Variants in IGSF10 observed in about 807,000 individuals in gnomAD.
The protein encoded by IGSF10 is calvaria mechanical force protein 608.
A neutral mutation model predicts 128.2 loss-of-function variants in IGSF10; 126 were observed. That is an observed-to-expected ratio of 0.98 (90% CI 0.85 to 1.14). The LOEUF is 1.14. Ranked by LOEUF, IGSF10 falls within the 50% of genes most tolerant of loss-of-function variation. The probability of loss-of-function intolerance (pLI) is 0.00; values close to 1 mark genes in which losing one functional copy is unlikely to be tolerated. For synonymous variants in IGSF10, 1,185 were observed against 1,146.2 expected (o/e 1.03, Z -0.68); for missense variants, 3,295 against 3,149.8 (o/e 1.05, Z -1.10).
chr3:151,584,233 A>G, the IGSF10 span, among the ~76,000 whole-genome samples: 4 of 152,182 alleles, frequency 2.6e-5, no homozygotes, highest in Non-Finnish European at 5.9e-5. Context: ...TTCTTGCCTT[A>G]TAGTAGATCT....
the IGSF10 span, among the ~76,000 whole-genome samples, chr3:151,607,889 C>T: frequency 3.8e-4 from 42 of 109,706 alleles, no homozygotes; most frequent in East Asian, 4.0e-3. Flanking sequence ...CCAGCCTGGG[C>T]GACAGAGTGA....
chr3:151,578,065 A>G, the IGSF10 span, among the ~76,000 whole-genome samples: 1 of 152,208 alleles, frequency 6.6e-6, no homozygotes, highest in Non-Finnish European at 1.5e-5. Context: ...TTTGAGTCTA[A>G]TGAACATTCT....
At chr3:151,545,527 T>C in the IGSF10 span, among the ~76,000 whole-genome samples, 1 of 152,218 alleles carries the variant, frequency 6.6e-6, no homozygotes, top group Non-Finnish European at 1.5e-5. Context: ...TTAGCCCAAT[T>C]TCTGTGGTAC....
intron 4 of IGSF10, among the ~76,000 whole-genome samples, chr3:151,456,645 A>C (rs920329768): frequency 2.0e-5 from 3 of 152,358 alleles, no homozygotes; most frequent in African/African-American, 7.2e-5. Context: ...AAATAAAATG[A>C]AACTGAAAAT....
Position 151,438,098 on chromosome 3 carries a change from C to G in IGSF10, c.6463G>C (p.Ala2155Pro). The G allele has an allele frequency of 6.2e-7, 1 of 1,614,206 alleles. No individual in the cohort carries two copies. The highest frequency in any genetic ancestry group is 8.5e-7 in the Non-Finnish European group (1 of 1,180,038). Reference protein sequence around the residue: ...QSNKTNKRIKAGDTAVLDCEV... With the variant: ...QSNKTNKRIKPGDTAVLDCEV... Reference sequence around the variant, plus strand: ...CAGTCAAGGACAGCTGTGTCTCCAGCTTTGATTCTCTTGTTGGTTTTGTTA... The same window carrying G: ...CAGTCAAGGACAGCTGTGTCTCCAGGTTTGATTCTCTTGTTGGTTTTGTTA... The change falls in exon 8 of 8, where the codon GCT (alanine) becomes CCT (proline). Residue 2155 changes from alanine to proline, a missense_variant. Transcript: ENST00000282466.
downstream of IGSF10, chr3:151,433,885 C>A (rs1373182030): frequency 6.6e-6 from 1 of 152,470 alleles, no homozygotes; most frequent in African/African-American, 2.4e-5. Flanking sequence ...TAAATTGGTG[C>A]AAAAAGCACA....
At chr3:151,610,666 C>T in the IGSF10 span, among the ~76,000 whole-genome samples, 1 of 152,218 alleles carries the variant, frequency 6.6e-6, no homozygotes, top group East Asian at 1.9e-4. Context: ...CAATGAAATG[C>T]TACAGACTGG....
chr3:151,447,035 G>T lies in IGSF10; in HGVS notation c.2946C>A (p.Phe982Leu), dbSNP rs1249211948. 7 of 1,614,096 alleles carry T rather than the reference G, an allele frequency of 4.3e-6. No homozygotes were observed. Among genetic ancestry groups the T allele is most frequent in the South Asian group, 1.1e-5 (1 of 91,078 alleles). The change falls in exon 6 of 8, where the codon TTC becomes TTA. Residue 982 changes from phenylalanine to leucine, a missense_variant. Transcript: ENST00000282466. ...GAGCAGCTGTGTGTGGATCTGAAGG[G>T]AACGTGGAGGTGCTAAGTATTTGAG... ...HTTQILSTST[F>L]PSDPHTAAHS...
chr3:151,530,962 C>T, the IGSF10 span, among the ~76,000 whole-genome samples: 1 of 152,058 alleles, frequency 6.6e-6, no homozygotes, highest in Non-Finnish European at 1.5e-5. Context: ...TGCAAAGACA[C>T]ACATAGGCTC....
the IGSF10 span, among the ~76,000 whole-genome samples, chr3:151,576,540 G>C: frequency 1.0e-2 from 1,520 of 152,250 alleles, 28 homozygotes; most frequent in African/African-American, 0.034. Context: ...GTCTCAGTGA[G>C]ATAGGAGTTT....
rs1418049032 is a variant in IGSF10, at chr3:151,445,081, G to T, written c.4900C>A (p.Leu1634Ile). ...CTAGACAAAGAGTCAAAGGGAAGGAGTTTGGAAGTTGTTGCTTCTTGAACT... is the reference window on the plus strand; with the variant it reads ...CTAGACAAAGAGTCAAAGGGAAGGATTTTGGAAGTTGTTGCTTCTTGAACT... Reference protein sequence around the residue: ...KPVQEATTSKLLPFDSLSRYI... With the variant: ...KPVQEATTSKILPFDSLSRYI... The change falls in exon 6 of 8, where the codon CTC becomes ATC. Residue 1634 changes from leucine (L) to isoleucine (I), a missense_variant. Physicochemically the swap from Leu to Ile is conservative, Grantham distance 5 (BLOSUM62 2). Transcript: ENST00000282466. 5 of 1,614,090 alleles carry T rather than the reference G, an allele frequency of 3.1e-6. No individual in the cohort carries two copies. Among genetic ancestry groups the T allele is most frequent in the Non-Finnish European group, 4.2e-6 (5 of 1,180,044 alleles).
chr3:151,606,203 T>C, the IGSF10 span, among the ~76,000 whole-genome samples: 1 of 152,218 alleles, frequency 6.6e-6, no homozygotes, highest in African/African-American at 2.4e-5. Flanking sequence ...TTGAGATATT[T>C]ATTTAATTCC....
At chr3:151,486,425 A>AGGAT in the IGSF10 span, among the ~76,000 whole-genome samples, 2 of 152,180 alleles carry the variant, frequency 1.3e-5, no homozygotes, top group African/African-American at 4.8e-5. Context: ...AAAATTAACA[A>AGGAT]GGATATCCAG....
chr3:151,528,655 G>A, the IGSF10 span, among the ~76,000 whole-genome samples: 4 of 152,192 alleles, frequency 2.6e-5, no homozygotes, highest in Non-Finnish European at 2.9e-5. Context: ...TGTACCGGGA[G>A]GAATGGTACC....
the IGSF10 span, among the ~76,000 whole-genome samples, chr3:151,547,069 G>A: frequency 0.5 from 75,126 of 151,544 alleles, 18,784 homozygotes; most frequent in South Asian, 0.59. Flanking sequence ...CACCGTGCCC[G>A]GCCTCTTTTC....
chr3:151,512,274 A>C, the IGSF10 span, among the ~76,000 whole-genome samples: 1 of 152,250 alleles, frequency 6.6e-6, no homozygotes, highest in Non-Finnish European at 1.5e-5. Flanking sequence ...CTCAGACCAC[A>C]GTGCAATCAA....
At chr3:151,480,697 C>G in the IGSF10 span, among the ~76,000 whole-genome samples, 1 of 151,916 alleles carries the variant, frequency 6.6e-6, no homozygotes, top group Non-Finnish European at 1.5e-5. Flanking sequence ...GGTATAGCTG[C>G]TGCTATACCC....
chr3:151,462,076 C>T (rs1247209713), upstream of IGSF10, among the ~76,000 whole-genome samples: 1 of 152,070 alleles, frequency 6.6e-6, no homozygotes, highest in African/African-American at 2.4e-5. Context: ...GAGATGCCTC[C>T]AGAATCACCT....
chr3:151,510,798 C>G, the IGSF10 span, among the ~76,000 whole-genome samples: 1 of 152,122 alleles, frequency 6.6e-6, no homozygotes, highest in Non-Finnish European at 1.5e-5. Context: ...AACCACGGCA[C>G]AAGAACCACG....
Sources: gnomAD v4.1 joint callset for allele counts (sites outside exome capture counted in the v4.1 genomes callset) on GRCh38, gnomAD v4.1.1 for gene constraint, MANE v1.5 for transcripts, NCBI Gene and HGNC (gene_info 2026-07-23, HGNC 2026-07-21) for gene names.